Variants in CAPN13 observed in about 807,000 individuals in gnomAD.
CAPN13 encodes the protein calpain 13.
CAPN13 carries 90 observed loss-of-function variants against 98.4 expected under a neutral mutation model. The observed-to-expected ratio is 0.92, with a 90% CI of 0.77 to 1.09. The LOEUF is 1.09. Ranked by LOEUF, CAPN13 falls within the 50% of genes least tolerant of loss-of-function variation. The probability of loss-of-function intolerance (pLI) is 0.00; values close to 1 mark genes in which losing one functional copy is unlikely to be tolerated. For missense variants in CAPN13, 887 were observed against 841.3 expected (o/e 1.05, Z -0.67); for synonymous variants, 330 against 305.5 (o/e 1.08, Z -0.84).
At chr2:30,736,978 C>T (rs910393786) in intron 17 of CAPN13, among the ~76,000 whole-genome samples, 1 of 152,190 alleles carries the variant, frequency 6.6e-6, no homozygotes, top group Non-Finnish European at 1.5e-5. Flanking sequence ...AGAGGGAATG[C>T]ATCTCGTGGG....
chr2:30,764,299 C>T lies in CAPN13; in HGVS notation c.532G>A (p.Gly178Arg), dbSNP rs370470261. ...CCATAGTGCAGATCGGAATAGGATC[C>T]GAGCAGCCTGGGAGGGAATGGGGGA... ...LLEKAYAKLL[G>R]SYSDLHYGFL... The change falls in exon 6 of 23, where the codon GGA becomes AGA. Residue 178 changes from glycine to arginine, a missense_variant. Physicochemically the swap from Gly to Arg is moderately radical, Grantham distance 125. Coordinates refer to ENST00000295055, the MANE Select transcript of CAPN13 (RefSeq NM_144575.3). The T allele has an allele frequency of 7.0e-5, 113 of 1,613,424 alleles. No homozygotes were observed. The highest frequency in any genetic ancestry group is 8.2e-5 in the Non-Finnish European group (97 of 1,179,786).
chr2:30,745,982 C>T (rs4245770), intron 11 of CAPN13, among the ~76,000 whole-genome samples: 48,361 of 148,452 alleles, frequency 0.33, 8,414 homozygotes, highest in African/African-American at 0.45. Context: ...CTTACTGCAA[C>T]CTCCGCCTCC....
chr2:30,733,859 A>C (rs990435850), intron 19 of CAPN13, among the ~76,000 whole-genome samples: 1 of 152,216 alleles, frequency 6.6e-6, no homozygotes, highest in Admixed American at 6.5e-5. Flanking sequence ...CCATTGGGAC[A>C]GTAGAGGTAA....
At chr2:30,774,736 A>T (rs1673596864) in intron 4 of CAPN13, among the ~76,000 whole-genome samples, 1 of 152,174 alleles carries the variant, frequency 6.6e-6, no homozygotes, top group Non-Finnish European at 1.5e-5. Context: ...AAGAACAGTT[A>T]ATCAATGATT....
intron 5 of CAPN13, among the ~76,000 whole-genome samples, chr2:30,766,960 T>C (rs1673145395): frequency 6.6e-6 from 1 of 152,214 alleles, no homozygotes; most frequent in South Asian, 2.1e-4. Context: ...GAGGTCCCTC[T>C]CCATCTGGAC....
chr2:30,729,944 G>A (rs1015860142), intron 22 of CAPN13: 4 of 152,194 alleles, frequency 2.6e-5, no homozygotes, highest in African/African-American at 9.7e-5. Context: ...AAATAGCAAA[G>A]GTATCCTCAA....
intron 1 of CAPN13, among the ~76,000 whole-genome samples, chr2:30,804,086 GGA>G (rs2148122413): frequency 6.6e-6 from 1 of 152,328 alleles, no homozygotes; most frequent in South Asian, 2.1e-4. Flanking sequence ...TGAGAATTCA[GGA>G]ATCAAGACAA....
At chr2:30,743,695 A>G (rs1466576460) in intron 12 of CAPN13, 116 bp from the exon 13 acceptor site, 7 of 893,660 alleles carry the variant, frequency 7.8e-6, no homozygotes, top group Non-Finnish European at 1.3e-5. Flanking sequence ...ATAACATTAC[A>G]GGCTCTATAA....
At chr2:30,760,439 A>G (rs56258013) in intron 7 of CAPN13, among the ~76,000 whole-genome samples, 23,417 of 152,000 alleles carry the variant, frequency 0.15, 2,819 homozygotes, top group African/African-American at 0.34. Context: ...TCCAGTGGGC[A>G]TGGTGGGGAG....
chr2:30,787,085 C>G (rs780173205), intron 2 of CAPN13, 43 bp downstream of exon 2: 4 of 1,472,040 alleles, frequency 2.7e-6, no homozygotes, highest in East Asian at 5.0e-5. Context: ...CAGGCGACTC[C>G]GAGGACCCTG....
chr2:30,778,153 C>T (rs750844884), intron 2 of CAPN13, among the ~76,000 whole-genome samples: 1 of 152,204 alleles, frequency 6.6e-6, no homozygotes, highest in African/African-American at 2.4e-5. Flanking sequence ...TGACTCAGCT[C>T]TTTGCCCACT....
At chr2:30,742,255 A>C in intron 14 of CAPN13, 71 bp downstream of exon 14, 1 of 1,515,190 alleles carries the variant, frequency 6.6e-7, no homozygotes, top group Non-Finnish European at 9.0e-7. Context: ...GGTGTAAAGA[A>C]GGAGACGGAA....
At chr2:30,783,529 A>C (rs1385935577) in intron 2 of CAPN13, among the ~76,000 whole-genome samples, 5 of 152,208 alleles carry the variant, frequency 3.3e-5, no homozygotes, top group African/African-American at 1.2e-4. Flanking sequence ...GAGGAAGGAA[A>C]GGGTAGGTAA....
rs6739505 is a variant in CAPN13, at chr2:30,775,910, C to T, written c.387+20G>A. The T allele has an allele frequency of 2.2e-3, 3,405 of 1,566,310 alleles. 79 individuals carry two copies. The African/African-American group carries it at 0.041, about 19-fold the overall frequency. The stretch of plus-strand genomic sequence containing the variant: ...ACAGAGAACCCCATCATATAATGAG[C>T]GCTGCAAGGGCACACGTACCCGGAA... On this transcript the variant is annotated intron_variant, in intron 4 of 22. Transcript: ENST00000295055.
chr2:30,739,428 C>T (rs1489352875), intron 15 of CAPN13, among the ~76,000 whole-genome samples: 2 of 152,048 alleles, frequency 1.3e-5, no homozygotes, highest in Non-Finnish European at 2.9e-5. Context: ...AAAAACAGCC[C>T]CAGAGCCTGT....
chr2:30,804,359 C>A (rs1428609739), intron 1 of CAPN13, among the ~76,000 whole-genome samples: 1 of 152,148 alleles, frequency 6.6e-6, no homozygotes, highest in East Asian at 1.9e-4. Context: ...TGCTACCATG[C>A]CTGTCTAATT....
intron 4 of CAPN13, among the ~76,000 whole-genome samples, chr2:30,773,774 T>C (rs1001262895): frequency 6.6e-6 from 1 of 152,196 alleles, no homozygotes; most frequent in African/African-American, 2.4e-5. Context: ...CTCTTTATGA[T>C]CTAATGAATC....
At chr2:30,750,985 G>A (rs1672146131) in intron 11 of CAPN13, 118 bp downstream of exon 11, 1 of 1,165,372 alleles carries the variant, frequency 8.6e-7, no homozygotes, top group Non-Finnish European at 1.2e-6. Context: ...GCCTCTTTGG[G>A]CTTTATCTCC....
chr2:30,787,702 G>A (rs1419722603), intron 1 of CAPN13, among the ~76,000 whole-genome samples: 1 of 152,190 alleles, frequency 6.6e-6, no homozygotes, highest in Admixed American at 6.5e-5. Context: ...AGCAGCAAGT[G>A]CGCAGAGGCC....
Sources: allele counts gnomAD v4.1 joint callset (sites outside exome capture counted in the v4.1 genomes callset), GRCh38; gene constraint gnomAD v4.1.1; transcripts MANE v1.5; gene names NCBI Gene and HGNC (gene_info 2026-07-23, HGNC 2026-07-21).